SYTL2: variants seen among roughly 807,000 people sequenced by gnomAD.
SYTL2 encodes synaptotagmin-like protein 2.
In SYTL2, 165 loss-of-function variants were observed where a neutral mutation model predicts 198.7. That is an observed-to-expected ratio of 0.83 (90% CI 0.73 to 0.94). The LOEUF is 0.94. SYTL2 is among the 40% of genes least tolerant of loss of function. SYTL2 has a pLI of 0.00. For missense variants in SYTL2, 2,835 were observed against 2,582.8 expected, an observed-to-expected ratio of 1.10 and a Z score of -2.12; for synonymous variants, 966 against 917.7, an observed-to-expected ratio of 1.05 and a Z score of -0.95.
chr11:85,795,762 G>C (rs978434482), intron 1 of SYTL2, among the ~76,000 whole-genome samples: 4 of 152,114 alleles, frequency 2.6e-5, no homozygotes, highest in African/African-American at 4.8e-5. Context: ...CCAAATATCT[G>C]CAAGAAAGGA....
chr11:85,813,482 C>T (rs906759829), upstream of SYTL2, among the ~76,000 whole-genome samples: 19 of 152,078 alleles, frequency 1.2e-4, no homozygotes, highest in African/African-American at 4.6e-4. Context: ...CATAGGAACC[C>T]TTCAAAATGG....
the SYTL2 span, among the ~76,000 whole-genome samples, chr11:85,820,991 T>C: frequency 2.0e-5 from 3 of 152,200 alleles, no homozygotes; most frequent in South Asian, 2.1e-4. Context: ...GGGTGCTGCA[T>C]GCTGGGGGAT....
chr11:85,838,330 A>G, the SYTL2 span, among the ~76,000 whole-genome samples: 1 of 152,218 alleles, frequency 6.6e-6, no homozygotes, highest in East Asian at 1.9e-4. Context: ...ATTTTGCGTT[A>G]CACAAAGGTA....
Position 85,738,461 on chromosome 11 carries a change from G to A in SYTL2, c.390-805C>T, listed in dbSNP as rs1321309367. On this transcript the variant is annotated intron_variant, in intron 4 of 19. Transcript: ENST00000359152. Reference sequence around the variant, plus strand: ...ATAGAGGATGGGAGGGAAAGGGGAGGGAACAGAATAGGAATGTATAATGGA... The same window carrying A: ...ATAGAGGATGGGAGGGAAAGGGGAGAGAACAGAATAGGAATGTATAATGGA... Among the ~76,000 whole-genome samples, 140 of 152,178 alleles carry A rather than the reference G, an allele frequency of 9.2e-4. 2 individuals are homozygous for A. The highest frequency in any genetic ancestry group is 1.5e-4 in the Non-Finnish European group (10 of 68,002).
chr11:85,775,964 T>C (rs1360670448), intron 1 of SYTL2, among the ~76,000 whole-genome samples: 1 of 152,254 alleles, frequency 6.6e-6, no homozygotes, highest in Non-Finnish European at 1.5e-5. Context: ...ATCCCAATGA[T>C]GGAGGTACGG....
Position 85,719,131 on chromosome 11 carries a change from G to A in SYTL2, c.5429-288C>T, listed in dbSNP as rs187791476. The A allele has an allele frequency of 1.6e-5, 23 of 1,440,726 alleles. No individual in the cohort carries two copies. The African/African-American group carries it at 2.8e-4, about 18-fold the overall frequency. The allele number at this position is 1,440,726 out of a possible 1,614,324, so 89.2% of individuals were successfully genotyped here. ...AGCAAGCAATCGGCCAGCAGCAGGAGAAAGCACGGGGCTGCAACAGCCTCT... is the reference window on the plus strand; with the variant it reads ...AGCAAGCAATCGGCCAGCAGCAGGAAAAAGCACGGGGCTGCAACAGCCTCT... On this transcript the variant is annotated intron_variant, in intron 9 of 19. Transcript: ENST00000359152.
Position 85,725,166 on chromosome 11 carries a change from G to A in SYTL2, c.4192C>T (p.Pro1398Ser). Residue 1398 changes from proline to serine, a missense_variant, in exon 8 of 20, where the codon CCA becomes TCA. Pro to Ser is a moderately conservative substitution (Grantham distance 74, BLOSUM62 -1). This residue lies in a region of SYTL2 where 2,645 missense variants were observed against 2,381.7 expected (regional missense o/e 1.11). Coordinates refer to ENST00000359152, the MANE Select transcript of SYTL2 (RefSeq NM_206927.4). ...GREVGPGEVN[P>S]EFPEAVQPVC... is the part of the protein sequence containing the mutation. ...GGCTGTACTGCTTCAGGAAATTCTGGGTTCACTTCTCCAGGACCTACTTCC... is the reference window on the plus strand; with the variant it reads ...GGCTGTACTGCTTCAGGAAATTCTGAGTTCACTTCTCCAGGACCTACTTCC... The A allele has an allele frequency of 6.2e-7, 1 of 1,614,034 alleles. No homozygotes were observed. The highest frequency in any genetic ancestry group is 2.2e-5 in the East Asian group (1 of 44,872).
intron 9 of SYTL2, chr11:85,719,048 G>T: frequency 6.6e-7 from 1 of 1,516,196 alleles, no homozygotes; most frequent in Non-Finnish European, 8.8e-7. Context: ...ATTTCAGCCC[G>T]GATGCAGCTC....
chr11:85,783,538 A>G (rs1172174006), intron 1 of SYTL2, among the ~76,000 whole-genome samples: 1 of 152,194 alleles, frequency 6.6e-6, no homozygotes, highest in Non-Finnish European at 1.5e-5. Flanking sequence ...ACTAGGCAAA[A>G]ATAGTTAATA....
Position 85,736,500 on chromosome 11 carries a change from C to T in SYTL2, c.586+1G>A, listed in dbSNP as rs1565954864. 14 of 1,468,722 alleles carry T rather than the reference C, an allele frequency of 9.5e-6. No homozygotes were observed. The highest frequency in any genetic ancestry group is 1.4e-5 in the African/African-American group (1 of 70,482). The allele number at this position is 1,468,722 out of a possible 1,614,324, so 91.0% of individuals were successfully genotyped here. ...ATCAAGTTCATAAAAATAATATTTA[C>T]CCTCTTTTGAAGTCTGAAATAAACC... is the stretch of plus-strand genomic sequence containing the variant. On this transcript the variant is annotated splice_donor_variant, in intron 6 of 19. Transcript: ENST00000359152. LOFTEE classifies it high-confidence loss of function.
chr11:85,800,107 T>A (rs2092863523), intron 1 of SYTL2, among the ~76,000 whole-genome samples: 1 of 152,152 alleles, frequency 6.6e-6, no homozygotes, highest in African/African-American at 2.4e-5. Flanking sequence ...CTCAAGGACC[T>A]AACCATTCCC....
chr11:85,736,513 T>G lies in SYTL2; in HGVS notation c.574A>C (p.Thr192Pro), dbSNP rs375531733. The G allele has an allele frequency of 5.8e-4, 899 of 1,561,130 alleles. 13 individuals are homozygous for G. In the South Asian group the frequency reaches 7.8e-3, roughly 13 times the overall value. ...AAATAATATTTACCCTCTTTTGAAG[T>G]CTGAAATAAACCAGTTCTTCCATTT... ...SKNGRTGLFQ[T>P]SKEDELSESK... The change falls in exon 6 of 20, where the codon ACT becomes CCT. Residue 192 changes from threonine to proline, a missense_variant. This residue lies in a region of SYTL2 where 2,645 missense variants were observed against 2,381.7 expected (regional missense o/e 1.11). Transcript: ENST00000359152.
At chr11:85,721,030 T>C (rs2088237160) in intron 8 of SYTL2, 71 bp from the exon 9 acceptor site, 6 of 858,076 alleles carry the variant, frequency 7.0e-6, no homozygotes, top group Admixed American at 4.5e-5. Context: ...CATATGGACA[T>C]AGAAATGGTA....
chr11:85,781,446 C>T (rs1266384028), intron 1 of SYTL2, among the ~76,000 whole-genome samples: 2 of 152,162 alleles, frequency 1.3e-5, no homozygotes, highest in Admixed American at 6.5e-5. Flanking sequence ...ATCATTCTGC[C>T]CTGGCCCCTC....
chr11:85,720,370 C>T (rs290194), intron 9 of SYTL2, among the ~76,000 whole-genome samples: 114,017 of 152,122 alleles, frequency 0.75, 43,284 homozygotes, highest in African/African-American at 0.87. Flanking sequence ...CCAGATCTTC[C>T]GTGTAATACT....
intron 1 of SYTL2, among the ~76,000 whole-genome samples, chr11:85,808,062 C>CATTATT (rs756738973): frequency 3.3e-5 from 5 of 151,426 alleles, no homozygotes; most frequent in African/African-American, 7.3e-5. Flanking sequence ...GTATTTATAT[C>CATTATT]ATTATTATTA....
At chr11:85,824,333 TGAG>T in the SYTL2 span, among the ~76,000 whole-genome samples, 1 of 151,886 alleles carries the variant, frequency 6.6e-6, no homozygotes, top group Non-Finnish European at 1.5e-5. Context: ...TGGGTGTGTG[TGAG>T]GAGGGAAGGA....
At chr11:85,759,888 C>T (rs2092045293) in intron 1 of SYTL2, among the ~76,000 whole-genome samples, 2 of 152,194 alleles carry the variant, frequency 1.3e-5, no homozygotes, top group South Asian at 4.1e-4. Context: ...TCCATAACTT[C>T]CATACCCCAA....
the SYTL2 span, among the ~76,000 whole-genome samples, chr11:85,835,301 T>A: frequency 6.6e-6 from 1 of 152,176 alleles, no homozygotes; most frequent in Non-Finnish European, 1.5e-5. Flanking sequence ...AATTAATTTC[T>A]CGTTATGGTA....
Sources: allele counts gnomAD v4.1 joint callset (sites outside exome capture counted in the v4.1 genomes callset), GRCh38; gene constraint gnomAD v4.1.1; regional missense constraint gnomAD v4.1.1; transcripts MANE v1.5; gene names NCBI Gene and HGNC (gene_info 2026-07-23, HGNC 2026-07-21).